VWF: variants seen among roughly 807,000 people sequenced by gnomAD.
The protein encoded by VWF is von Willebrand factor.
A neutral mutation model predicts 308.6 loss-of-function variants in VWF; 176 were observed. The observed-to-expected ratio is 0.57, with a 90% CI of 0.50 to 0.65. The LOEUF (loss-of-function observed/expected upper bound fraction) is 0.65, where lower values mean the gene tolerates loss of function less well. VWF is among the 30% of genes least tolerant of loss of function. VWF has a pLI of 0.00. For missense variants in VWF, 3,146 were observed against 3,648.2 expected, an observed-to-expected ratio of 0.86 and a Z score of 3.55; for synonymous variants, 1,385 against 1,443.4, an observed-to-expected ratio of 0.96 and a Z score of 0.92.
In VWF at chr12:6,065,122, G is replaced by C; in HGVS notation, c.1293+15C>G. ...GGGCTACCACCCGACCAGCAGCCGG[G>C]CTGGCAAAGCTCACCTGGACAGTCT... is the stretch of plus-strand genomic sequence containing the variant. On this transcript the variant is annotated intron_variant, in intron 11 of 51. Coordinates refer to ENST00000261405, the MANE Select transcript of VWF (RefSeq NM_000552.5). The C allele has an allele frequency of 6.2e-7, 1 of 1,614,120 alleles. No individual in the cohort carries two copies. Among genetic ancestry groups the C allele is most frequent in the South Asian group, 1.1e-5 (1 of 91,078 alleles).
chr12:6,019,193 C>CCTT lies in VWF; in HGVS notation c.4222_4224dup (p.Lys1408dup). The CCTT allele has an allele frequency of 1.2e-6, 2 of 1,613,900 alleles. No homozygotes were observed. The highest frequency in any genetic ancestry group is 2.2e-5 in the South Asian group (2 of 91,070). ...CCAATGCCCACCGGGATCACAATGA[C>CCTT]CTTCTTCTTCTTCAGGCCCTGGACG... On this transcript the variant is annotated inframe_insertion, in exon 28 of 52. Coordinates refer to ENST00000261405, the MANE Select transcript of VWF (RefSeq NM_000552.5). This position sits in a 1 kb window ranked among gnomAD's most constrained non-coding sequence, Gnocchi z 5.8.
In VWF at chr12:6,020,368, C is replaced by T. The variant is rs1351138584; in HGVS notation, c.3675-625G>A. Among the ~76,000 whole-genome samples, 1 of 152,228 alleles carries T rather than the reference C, an allele frequency of 6.6e-6. No individual in the cohort carries two copies. Among genetic ancestry groups the T allele is most frequent in the African/African-American group, 2.4e-5 (1 of 41,460 alleles). ...GAACAAATTATTTGGGAGTAGCAGA[C>T]AGGGGTCTCCACGGTGTCAGGCCTA... On this transcript the variant is annotated intron_variant, in intron 27 of 51. Coordinates refer to ENST00000261405, the MANE Select transcript of VWF (RefSeq NM_000552.5). This position sits in a 1 kb window ranked among gnomAD's most constrained non-coding sequence, Gnocchi z 4.3.
chr12:6,083,102 C>T (rs1379890417), intron 6 of VWF, among the ~76,000 whole-genome samples: 1 of 152,190 alleles, frequency 6.6e-6, no homozygotes, highest in Non-Finnish European at 1.5e-5. Flanking sequence ...CTCTGCCTCT[C>T]GCAACCCATC....
chr12:6,031,825 G>A (rs1341208878), intron 20 of VWF, among the ~76,000 whole-genome samples: 1 of 151,340 alleles, frequency 6.6e-6, no homozygotes, highest in Non-Finnish European at 1.5e-5. Context: ...GGGTGGGGGT[G>A]GGGAAGGAGG....
At chr12:6,000,811 CAAAAAAAAAAA>C (rs71064181) in intron 34 of VWF, among the ~76,000 whole-genome samples, 2 of 69,812 alleles carry the variant, frequency 2.9e-5, no homozygotes, top group Admixed American at 3.8e-4. Context: ...GACTCTGTCT[CAAAAAAAAAAA>C]AAAAAAAAAA....
In VWF at chr12:6,064,333, G is replaced by A. The variant is rs1944688023; in HGVS notation, c.1345C>T (p.Pro449Ser). The change falls in exon 12 of 52, where the codon CCT (proline) becomes TCT (serine). Residue 449 changes from proline to serine, a missense_variant. Around this residue, in one of 3 missense-constraint regions of VWF, gnomAD observed 1,304 missense variants for 1,353.0 expected, o/e 0.96. Coordinates refer to ENST00000261405, the MANE Select transcript of VWF (RefSeq NM_000552.5). The part of the protein sequence containing the change: ...VCTRSVTVRL[P>S]GLHNSLVKLK... ...TTCACAAGGCTGTTGTGCAGGCCAG[G>A]CAGCCGGACGGTGACGGAGCGGGTG... The A allele has an allele frequency of 6.2e-7, 1 of 1,614,066 alleles. No homozygotes were observed. The highest frequency in any genetic ancestry group is 1.7e-5 in the Admixed American group (1 of 60,006).
intron 47 of VWF, among the ~76,000 whole-genome samples, chr12:5,964,715 G>C (rs533689345): frequency 3.9e-4 from 60 of 152,314 alleles, no homozygotes; most frequent in Middle Eastern, 6.8e-3. Context: ...GTCTTCAGGA[G>C]CAGGCAGAAG....
intron 6 of VWF, among the ~76,000 whole-genome samples, chr12:6,081,990 G>A (rs138411651): frequency 0.016 from 2,390 of 150,054 alleles, 67 homozygotes; most frequent in African/African-American, 0.056. Context: ...TTTTTGAAAC[G>A]CAGTCTCGCT....
chr12:6,110,673 G>T, intron 4 of VWF, 91 bp from the exon 5 acceptor site: 1 of 1,458,416 alleles, frequency 6.9e-7, no homozygotes. Flanking sequence ...ATGTTGTAGG[G>T]TTCAGAACAT....
At chr12:6,109,572 G>A (rs1312515573) in intron 5 of VWF, among the ~76,000 whole-genome samples, 2 of 152,202 alleles carry the variant, frequency 1.3e-5, no homozygotes, top group African/African-American at 4.8e-5. Context: ...ATATGTAAGT[G>A]TTTAGCTTTG....
At chr12:6,095,692 T>G (rs1945098578) in intron 5 of VWF, 108 bp from the exon 6 acceptor site, 1 of 1,531,782 alleles carries the variant, frequency 6.5e-7, no homozygotes, top group African/African-American at 1.4e-5. Context: ...GTTTTAATTT[T>G]TTATAAAGAG....
At position 6,032,909 on chromosome 12, in the gene VWF, C is replaced by T. The variant is rs879269662; in HGVS notation, c.2686-1331G>A. Among the ~76,000 whole-genome samples, 231 of 151,920 alleles carry T rather than the reference C, an allele frequency of 1.5e-3. 1 individual carries two copies. Among genetic ancestry groups the T allele is most frequent in the Non-Finnish European group, 2.5e-3 (168 of 67,964 alleles). On this transcript the variant is annotated intron_variant, in intron 20 of 51. Coordinates refer to ENST00000261405, the MANE Select transcript of VWF (RefSeq NM_000552.5). Reference sequence around the variant, plus strand: ...ACACGCATACACATACATACACACACGTAGCCATACACACACACGCGCTCA... The same window carrying T: ...ACACGCATACACATACATACACACATGTAGCCATACACACACACGCGCTCA...
intron 16 of VWF, among the ~76,000 whole-genome samples, chr12:6,050,647 G>A (rs990074047): frequency 6.6e-6 from 1 of 152,184 alleles, no homozygotes; most frequent in Non-Finnish European, 1.5e-5. Flanking sequence ...TTAGTCCCTA[G>A]ACTTCTGCTC....
intron 43 of VWF, among the ~76,000 whole-genome samples, chr12:5,973,923 C>T (rs1052449893): frequency 4.6e-5 from 7 of 152,162 alleles, no homozygotes; most frequent in African/African-American, 1.4e-4. Context: ...GCAAGGCCAT[C>T]GCCTGAGGCC....
Position 6,044,334 on chromosome 12 carries a change from A to C in VWF, c.2399T>G (p.Met800Arg). ...KTCQNYDLEC[M>R]SMGCVSGCLC... ...GCAGCCAGAGACACAGCCCATGCTC[A>C]TGCACTCCAGGTCATAGTTCTGGCA... The change falls in exon 18 of 52, where the codon ATG becomes AGG. Residue 800 changes from methionine to arginine, a missense_variant. Around this residue, in one of 3 missense-constraint regions of VWF, gnomAD observed 1,304 missense variants for 1,353.0 expected, o/e 0.96. Coordinates refer to ENST00000261405, the MANE Select transcript of VWF (RefSeq NM_000552.5). 1.2e-6 allele frequency: 2 copies of C among 1,614,138 alleles called. No individual in the cohort carries two copies. Among genetic ancestry groups the C allele is most frequent in the Non-Finnish European group, 1.7e-6 (2 of 1,180,032 alleles).
Position 6,023,557 on chromosome 12 carries a change from C to G in VWF, c.3379+74G>C. On this transcript the variant is annotated intron_variant, in intron 25 of 51. Coordinates refer to ENST00000261405, the MANE Select transcript of VWF (RefSeq NM_000552.5). ...TCGCCCATGAAGATATCCCCCTGCA[C>G]TCACAAGGTCTTCAAGCATAGACAC... 2 of 1,591,616 alleles carry G rather than the reference C, an allele frequency of 1.3e-6. 1 individual carries two copies. Among genetic ancestry groups the G allele is most frequent in the East Asian group, 4.5e-5 (2 of 44,438 alleles).
At chr12:6,096,744 C>G (rs1050362373) in intron 5 of VWF, among the ~76,000 whole-genome samples, 3 of 152,178 alleles carry the variant, frequency 2.0e-5, no homozygotes, top group African/African-American at 7.2e-5. Flanking sequence ...CCTCGTGGAC[C>G]TACATGGCCT....
rs1226077563 is a variant in VWF, at chr12:6,075,269, A to C, written c.874+66T>G. The C allele has an allele frequency of 6.9e-6, 11 of 1,603,784 alleles. No homozygotes were observed. In the South Asian group the frequency reaches 1.1e-4, roughly 16 times the overall value. On this transcript the variant is annotated intron_variant, in intron 7 of 51. Coordinates refer to ENST00000261405, the MANE Select transcript of VWF (RefSeq NM_000552.5). This position sits in a 1 kb window ranked among gnomAD's most constrained non-coding sequence, Gnocchi z 4.7. ...CGTGACACAGCCCCGAAGCACCCTA[A>C]GGGACACCACCCAGGACAGACCGTT...
chr12:6,052,793 A>AGAC lies in VWF; in HGVS notation c.1946-11_1946-10insGTC, dbSNP rs765532016. ...TTCGGGCAGTTCAGCTCTAGAAGAGAGAGGAGAAGTAAGGCCTCAGCGGGA... is the reference window on the plus strand; with the variant it reads ...TTCGGGCAGTTCAGCTCTAGAAGAGAGACGAGGAGAAGTAAGGCCTCAGCGGGA... On this transcript the variant is annotated splice_polypyrimidine_tract_variant and intron_variant, in intron 15 of 51. Coordinates refer to ENST00000261405, the MANE Select transcript of VWF (RefSeq NM_000552.5). 1.3e-5 allele frequency: 19 copies of AGAC among 1,476,620 alleles called. No individual in the cohort carries two copies. The highest frequency in any genetic ancestry group is 1.7e-4 in the Middle Eastern group (1 of 5,742). The allele number at this position is 1,476,620 out of a possible 1,614,324, so 91.5% of individuals were successfully genotyped here.
Sources: allele counts gnomAD v4.1 joint callset (sites outside exome capture counted in the v4.1 genomes callset), GRCh38; gene constraint gnomAD v4.1.1; regional missense constraint gnomAD v4.1.1; non-coding constraint Gnocchi (gnomAD v3.1); transcripts MANE v1.5; gene names NCBI Gene and HGNC (gene_info 2026-07-23, HGNC 2026-07-21).